Variants in RHBG observed in about 807,000 individuals in gnomAD.
RHBG encodes Rh family B glycoprotein.
In RHBG, 39 loss-of-function variants were observed where a neutral mutation model predicts 40.1. The observed-to-expected ratio is 0.97, with a 90% CI of 0.75 to 1.27. The LOEUF is 1.27. Ranked by LOEUF, RHBG falls within the 50% of genes most tolerant of loss-of-function variation. RHBG has a pLI of 0.00. For missense variants in RHBG, 549 were observed against 588.1 expected (o/e 0.93, Z 0.69); for synonymous variants, 237 against 252.5 (o/e 0.94, Z 0.58).
chr1:156,382,615 C>T, intron 7 of RHBG, 133 bp from the exon 8 acceptor site: 3 of 1,100,128 alleles, frequency 2.7e-6, no homozygotes, highest in Non-Finnish European at 4.0e-6. Flanking sequence ...CTCAGCCTGG[C>T]ATGCACCCTC....
At position 156,378,249 on chromosome 1, in the gene RHBG, C is replaced by G; in HGVS notation, c.526-3C>G. On this transcript the variant is annotated splice_region_variant and splice_polypyrimidine_tract_variant and intron_variant, in intron 3 of 9. Transcript: ENST00000537040. ...GGTGCTGCCTCTCACCCCACCTCCC[C>G]AGGTGAGAGATGCCGGAGGCTCCAT... 1 of 1,613,748 alleles carries G rather than the reference C, an allele frequency of 6.2e-7. No individual in the cohort carries two copies. Among genetic ancestry groups the G allele is most frequent in the Non-Finnish European group, 8.5e-7 (1 of 1,179,916 alleles).
At chr1:156,382,971 A>G (rs1308100634) in intron 8 of RHBG, 102 bp downstream of exon 8, 5 of 1,535,150 alleles carry the variant, frequency 3.3e-6, no homozygotes, top group Non-Finnish European at 4.5e-6. Flanking sequence ...ACTTTGTGCC[A>G]TAAAGTAGGG....
At position 156,382,821 on chromosome 1, in the gene RHBG, G is replaced by C; in HGVS notation, c.1186G>C (p.Gly396Arg). 6.2e-7 allele frequency: 1 copy of C among 1,614,228 alleles called. No homozygotes were observed. The highest frequency in any genetic ancestry group is 2.2e-5 in the East Asian group (1 of 44,880). The stretch of plus-strand genomic sequence containing the variant: ...GTCACAGGCCATGCACCAGCTCTTC[G>C]GGCTGTTTGTCACACTGATGTTTGC... ...ATSQAMHQLFGLFVTLMFASV... is the reference protein window; with the variant it reads ...ATSQAMHQLFRLFVTLMFASV... The change falls in exon 8 of 10, where the codon GGG (glycine) becomes CGG (arginine). Residue 396 changes from glycine (G) to arginine (R), a missense_variant. Physicochemically the swap from Gly to Arg is moderately radical, Grantham distance 125. Transcript: ENST00000537040.
At position 156,376,115 on chromosome 1, in the gene RHBG, C is replaced by T. The variant is rs144836479; in HGVS notation, c.188-1186C>T. On this transcript the variant is annotated intron_variant, in intron 1 of 9. Coordinates refer to ENST00000537040, the MANE Select transcript of RHBG (RefSeq NM_020407.5). ...AGAATAGAAACCAAACAGAAAAGGC[C>T]GCAAATCTTCCTGCCCATAAACCTC... 3.4e-3 allele frequency among the ~76,000 whole-genome samples: 521 copies of T among 152,110 alleles called. 2 individuals carry two copies. Among genetic ancestry groups the T allele is most frequent in the African/African-American group, 0.012 (505 of 41,482 alleles).
At chr1:156,384,750 T>C (rs756061369) in intron 9 of RHBG, 27 bp from the exon 10 acceptor site, 2 of 1,611,890 alleles carry the variant, frequency 1.2e-6, no homozygotes, top group South Asian at 2.2e-5. Flanking sequence ...AGCTACCCTT[T>C]CACCTCTACC....
rs1231605556 is a variant in RHBG, at chr1:156,382,852, TGGGCGG to T, written c.1222_1227del (p.Gly408_Gly409del). 7 of 1,614,222 alleles carry T rather than the reference TGGGCGG, an allele frequency of 4.3e-6. No individual in the cohort carries two copies. Among genetic ancestry groups the T allele is most frequent in the Non-Finnish European group, 5.9e-6 (7 of 1,180,030 alleles). On this transcript the variant is annotated inframe_deletion, in exon 8 of 10. Coordinates refer to ENST00000537040, the MANE Select transcript of RHBG (RefSeq NM_020407.5). ...TTTGTCACACTGATGTTTGCCTCTG[TGGGCGG>T]GGGCCTTGGAGGTGAGTAACCTTGG... is the stretch of plus-strand genomic sequence containing the variant.
At chr1:156,372,515 T>A (rs11264479) in intron 1 of RHBG, among the ~76,000 whole-genome samples, 21,536 of 152,132 alleles carry the variant, frequency 0.14, 1,561 homozygotes, top group East Asian at 0.19. Context: ...AGAGAGGGAT[T>A]TAGGATAGAT....
In RHBG at chr1:156,384,600, G is replaced by T; in HGVS notation, c.1308G>T (p.Gln436His). ...SQHYEDQVHW[Q>H]VPGEHEDKAQ... The stretch of plus-strand genomic sequence containing the variant: ...ACTACGAGGACCAAGTTCACTGGCA[G>T]GTGAGACATTGCTGGGCTCTCACAC... Residue 436 changes from glutamine (Q) to histidine (H), a missense_variant and splice_region_variant, in exon 9 of 10, where the codon CAG becomes CAT. Around this residue, in one of 3 missense-constraint regions of RHBG, gnomAD observed 399 missense variants for 417.0 expected, o/e 0.96. Coordinates refer to ENST00000537040, the MANE Select transcript of RHBG (RefSeq NM_020407.5). The T allele has an allele frequency of 6.4e-7, 1 of 1,571,268 alleles. No individual in the cohort carries two copies. The highest frequency in any genetic ancestry group is 8.7e-7 in the Non-Finnish European group (1 of 1,156,014).
Position 156,382,157 on chromosome 1 carries a change from G to C in RHBG, c.1068G>C (p.Gly356=). The C allele has an allele frequency of 6.2e-7, 1 of 1,614,116 alleles. No individual in the cohort carries two copies. The highest frequency in any genetic ancestry group is 8.5e-7 in the Non-Finnish European group (1 of 1,180,016). ...CGGGGGTCCTGGGGGCCCTCCTGGG[G>C]GTCCTTGTGGCTGGACTTGCCACCC... is the stretch of plus-strand genomic sequence containing the variant. The part of the protein sequence containing the change: ...GMPGVLGALL[G]VLVAGLATHE... The change falls in exon 7 of 10, where the codon GGG becomes GGC. Residue 356 remains glycine, a synonymous_variant. Coordinates refer to ENST00000537040, the MANE Select transcript of RHBG (RefSeq NM_020407.5).
chr1:156,369,510 G>C (rs909098893), intron 1 of RHBG, 74 bp downstream of exon 1: 17 of 1,446,258 alleles, frequency 1.2e-5, no homozygotes, highest in African/African-American at 5.7e-5. Context: ...TCTTGGGAGG[G>C]AGCATTTGGG....
Position 156,378,190 on chromosome 1 carries a change from A to G in RHBG, c.525+50A>G, listed in dbSNP as rs546623543. 1.1e-4 allele frequency: 124 copies of G among 1,143,512 alleles called. 1 individual carries two copies. The East Asian group carries it at 3.7e-3, about 34-fold the overall frequency. 70.8% of individuals were successfully genotyped at this position (1,143,512 alleles called of 1,614,324 possible). A position where few individuals can be genotyped will look rare whatever the true frequency, so the allele number is the denominator to read the frequency against. On this transcript the variant is annotated intron_variant, in intron 3 of 9. Coordinates refer to ENST00000537040, the MANE Select transcript of RHBG (RefSeq NM_020407.5). ...TCGGGGGTGGGGGGTGGTCAAGGTC[A>G]GCCTCTGAGCCAGGAGCGTGGGGGT...
In RHBG at chr1:156,381,351, C is replaced by A; in HGVS notation, c.678C>A (p.Thr226=). ...YHSDLFAMIG[T]IFLWIFWPSF... ...GCCTGTCTGTCCACCATCTAGGGACCATCTTCCTGTGGATCTTCTGGCCTA... is the reference window on the plus strand; with the variant it reads ...GCCTGTCTGTCCACCATCTAGGGACAATCTTCCTGTGGATCTTCTGGCCTA... The change falls in exon 5 of 10, where the codon ACC becomes ACA. Residue 226 remains threonine, a synonymous_variant. Transcript: ENST00000537040. 2 of 1,614,064 alleles carry A rather than the reference C, an allele frequency of 1.2e-6. No individual in the cohort carries two copies. Among genetic ancestry groups the A allele is most frequent in the Non-Finnish European group, 8.5e-7 (1 of 1,180,028 alleles).
intron 1 of RHBG, 60 bp downstream of exon 1, chr1:156,369,496 G>T: frequency 6.7e-7 from 1 of 1,500,878 alleles, no homozygotes; most frequent in Non-Finnish European, 9.0e-7. Flanking sequence ...AAGACCCTCC[G>T]GTGTCTTGGG....
chr1:156,377,475 T>C lies in RHBG; in HGVS notation c.362T>C (p.Val121Ala), dbSNP rs571075303. 6.2e-7 allele frequency: 1 copy of C among 1,610,746 alleles called. No individual in the cohort carries two copies. Among genetic ancestry groups the C allele is most frequent in the African/African-American group, 1.3e-5 (1 of 74,992 alleles). ...LHSFHGGHIHVGVESMINADF... is the reference protein window; with the variant it reads ...LHSFHGGHIHAGVESMINADF... Reference sequence around the variant, plus strand: ...TCCTTCCACGGTGGCCACATCCATGTTGGCGTGGAGAGGTGGGCAGCCGCC... The same window carrying C: ...TCCTTCCACGGTGGCCACATCCATGCTGGCGTGGAGAGGTGGGCAGCCGCC... The change falls in exon 2 of 10, where the codon GTT (valine) becomes GCT (alanine). Residue 121 changes from valine (V) to alanine (A), a missense_variant. Coordinates refer to ENST00000537040, the MANE Select transcript of RHBG (RefSeq NM_020407.5). The surrounding 1 kb of genome is among the most constrained non-coding windows in gnomAD (Gnocchi z 4.6).
Position 156,378,316 on chromosome 1 carries a change from C to A in RHBG, c.590C>A (p.Ser197Ter), listed in dbSNP as rs267598074. ...GGTGCCTACTTCGGGCTCGTCCTTT[C>A]GCGGGTTCTGTACAGGCCCCAGCTG... is the stretch of plus-strand genomic sequence containing the variant. The part of the protein sequence containing the change: ...TFGAYFGLVL[S>*]RVLYRPQLEK... The change falls in exon 4 of 10, where the codon TCG (serine) becomes TAG (stop). Residue 197 changes from serine to a stop codon, truncating the protein, a stop_gained. Coordinates refer to ENST00000537040, the MANE Select transcript of RHBG (RefSeq NM_020407.5). LOFTEE classifies it high-confidence loss of function. 1.9e-6 allele frequency: 3 copies of A among 1,614,094 alleles called. No individual in the cohort carries two copies. The highest frequency in any genetic ancestry group is 2.5e-6 in the Non-Finnish European group (3 of 1,180,004).
rs1191418946 is a variant in RHBG, at chr1:156,382,861, G to A, written c.1226G>A (p.Gly409Asp). 8.1e-6 allele frequency: 13 copies of A among 1,614,224 alleles called. No individual in the cohort carries two copies. Among genetic ancestry groups the A allele is most frequent in the Non-Finnish European group, 1.0e-5 (12 of 1,180,036 alleles). Residue 409 changes from glycine to aspartate, a missense_variant, in exon 8 of 10, where the codon GGC (glycine) becomes GAC (aspartate). By Grantham distance (94) the Gly-to-Asp change is moderately conservative (BLOSUM62 -1). This residue lies in a region of RHBG where 399 missense variants were observed against 417.0 expected (regional missense o/e 0.96). Coordinates refer to ENST00000537040, the MANE Select transcript of RHBG (RefSeq NM_020407.5). ...VTLMFASVGG[G>D]LGGLLLKLPF... Reference sequence around the variant, plus strand: ...CTGATGTTTGCCTCTGTGGGCGGGGGCCTTGGAGGTGAGTAACCTTGGATT... The same window carrying A: ...CTGATGTTTGCCTCTGTGGGCGGGGACCTTGGAGGTGAGTAACCTTGGATT...
intron 1 of RHBG, among the ~76,000 whole-genome samples, chr1:156,375,198 G>A (rs1667103274): frequency 6.6e-6 from 1 of 151,948 alleles, no homozygotes; most frequent in South Asian, 2.1e-4. Flanking sequence ...AGCCTTCCTA[G>A]TAGCTGGGGG....
chr1:156,369,703 A>G (rs1358949780), intron 1 of RHBG, among the ~76,000 whole-genome samples: 1 of 152,160 alleles, frequency 6.6e-6, no homozygotes, highest in African/African-American at 2.4e-5. Flanking sequence ...TGGCTGATTC[A>G]GGGTCACACA....
At position 156,384,965 on chromosome 1, in the gene RHBG, G is replaced by A. The variant is rs1667946469; in HGVS notation, c.*120G>A. ...CAAGAAGGGAGCCATGAGCCAGAAG[G>A]AGGCCCCTTTCCACAGGCAGCGTCT... On this transcript the variant is annotated 3_prime_UTR_variant, in exon 10 of 10. Coordinates refer to ENST00000537040, the MANE Select transcript of RHBG (RefSeq NM_020407.5). 2 of 656,978 alleles carry A rather than the reference G, an allele frequency of 3.0e-6. No homozygotes were observed. Among genetic ancestry groups the A allele is most frequent in the Non-Finnish European group, 5.3e-6 (2 of 374,610 alleles). 40.7% of individuals were successfully genotyped at this position (656,978 alleles called of 1,614,324 possible).
Sources: allele counts gnomAD v4.1 joint callset (sites outside exome capture counted in the v4.1 genomes callset), GRCh38; gene constraint gnomAD v4.1.1; regional missense constraint gnomAD v4.1.1; non-coding constraint Gnocchi (gnomAD v3.1); transcripts MANE v1.5; gene names NCBI Gene and HGNC (gene_info 2026-07-23, HGNC 2026-07-21).